TMEM134: variants seen among roughly 807,000 people sequenced by gnomAD.
The protein encoded by TMEM134 is transmembrane protein 134.
Under a neutral mutation model 26.2 loss-of-function variants are expected in TMEM134, and 36 were observed. That is an observed-to-expected ratio of 1.37 (90% CI 1.05 to 1.81). The LOEUF (loss-of-function observed/expected upper bound fraction) is 1.81. Ranked by LOEUF, TMEM134 falls within the 40% of genes most tolerant of loss-of-function variation. TMEM134 has a pLI of 0.00. For synonymous variants in TMEM134, 133 were observed against 113.6 expected, an observed-to-expected ratio of 1.17 and a Z score of -1.08; for missense variants, 339 against 263.5, an observed-to-expected ratio of 1.29 and a Z score of -1.98.
Position 67,469,053 on chromosome 11 carries a change from G to A in TMEM134, c.140C>T (p.Ala47Val). 6.6e-7 allele frequency: 1 copy of A among 1,517,848 alleles called. No homozygotes were observed. Among genetic ancestry groups the A allele is most frequent in the African/African-American group, 1.4e-5 (1 of 69,804 alleles). 94.0% of individuals were successfully genotyped at this position (1,517,848 alleles called of 1,614,324 possible). The change falls in exon 1 of 7, where the codon GCT (alanine) becomes GTT (valine). Residue 47 changes from alanine (A) to valine (V), a missense_variant. Ala to Val is a moderately conservative substitution (Grantham distance 64, BLOSUM62 0). Coordinates refer to ENST00000308022, the MANE Select transcript of TMEM134 (RefSeq NM_025124.4). ...HFERRARFEV[A>V]DEDKQSRLRY... ...CAGCCGGGACTGCTTGTCCTCGTCA[G>A]CCACCTCGAACCGGGCCCGACGCTC...
Position 67,469,225 on chromosome 11 carries a change from G to A in TMEM134, c.-33C>T. Reference sequence around the variant, plus strand: ...GCCCGCTCAGGCGCCGTGCGCCGCCGCCATCTGCGCCCACACACCCAGCGT... The same window carrying A: ...GCCCGCTCAGGCGCCGTGCGCCGCCACCATCTGCGCCCACACACCCAGCGT... On this transcript the variant is annotated 5_prime_UTR_variant, in exon 1 of 7. Coordinates refer to ENST00000308022, the MANE Select transcript of TMEM134 (RefSeq NM_025124.4). 1 of 1,251,948 alleles carries A rather than the reference G, an allele frequency of 8.0e-7. No homozygotes were observed. 77.6% of individuals were successfully genotyped at this position (1,251,948 alleles called of 1,614,324 possible).
In TMEM134 at chr11:67,464,669, G is replaced by A. The variant is rs1188911689; in HGVS notation, c.533C>T (p.Ala178Val). 1.2e-5 allele frequency: 18 copies of A among 1,553,934 alleles called. No homozygotes were observed. Among genetic ancestry groups the A allele is most frequent in the African/African-American group, 2.7e-5 (2 of 73,322 alleles). Residue 178 changes from alanine to valine, a missense_variant, in exon 7 of 7, where the codon GCG becomes GTG. Ala to Val is a moderately conservative substitution (Grantham distance 64, BLOSUM62 0). Coordinates refer to ENST00000308022, the MANE Select transcript of TMEM134 (RefSeq NM_025124.4). ...CTGGAAGCCCCGGTGGCCCTTGACC[G>A]CGCAGTAGATGAAGATCACGTGATA... ...GVYHVIFIYC[A>V]VKGHRGFQFF... is the part of the protein sequence containing the mutation.
Position 67,467,568 on chromosome 11 carries a change from G to C in TMEM134, c.262C>G (p.Arg88Gly), listed in dbSNP as rs148089695. 54 of 1,613,952 alleles carry C rather than the reference G, an allele frequency of 3.3e-5. No homozygotes were observed. The highest frequency in any genetic ancestry group is 4.5e-5 in the Non-Finnish European group (53 of 1,180,038). ...GTGCTGAAGGACCACTGGGAGCTGC[G>C]GATGGAAGTTCGGCTGGAATCCCTG... Reference protein sequence around the residue: ...GTRDSSRTSIRSSQWSFSTIS... With the variant: ...GTRDSSRTSIGSSQWSFSTIS... Residue 88 changes from arginine (R) to glycine (G), a missense_variant, in exon 3 of 7, where the codon CGC (arginine) becomes GGC (glycine). Transcript: ENST00000308022.
chr11:67,465,043 G>T lies in TMEM134; in HGVS notation c.451+13C>A, dbSNP rs1361115445. The T allele has an allele frequency of 6.4e-7, 1 of 1,572,088 alleles. No homozygotes were observed. On this transcript the variant is annotated intron_variant, in intron 5 of 6. Transcript: ENST00000308022. ...GGGTGTCCTCTGCCTGTGGGGGCGG[G>T]AGGGTCGCTCACCTGGAGAGGGGGT...
intron 4 of TMEM134, 50 bp from the exon 5 acceptor site, chr11:67,465,150 C>T (rs749916410): frequency 1.4e-5 from 22 of 1,536,776 alleles, no homozygotes; most frequent in African/African-American, 8.2e-5. Context: ...GTGGTGAGGG[C>T]GGGGGCTCCC....
At chr11:67,465,572 T>C (rs1275463429) in intron 4 of TMEM134, among the ~76,000 whole-genome samples, 2 of 110,014 alleles carry the variant, frequency 1.8e-5, no homozygotes, top group Non-Finnish European at 3.6e-5. Context: ...ACAAGGGGGG[T>C]AGTAAGCCTG....
chr11:67,462,355 T>C lies in TMEM134; in HGVS notation c.*2259A>G, dbSNP rs1340296808. 6.6e-6 allele frequency: 1 copy of C among 151,126 alleles called. No homozygotes were observed. The highest frequency in any genetic ancestry group is 1.5e-5 in the Non-Finnish European group (1 of 67,672). The allele number at this position is 151,126 out of a possible 1,614,324, so 9.4% of individuals were successfully genotyped here. A position where few individuals can be genotyped will look rare whatever the true frequency, so the allele number is the denominator to read the frequency against. ...TGATAAACTGTGGACTTGTATTCTG[T>C]ATTTTTTTTTTTTTTGGAGACAGAG... On this transcript the variant is annotated 3_prime_UTR_variant, in exon 7 of 7. Coordinates refer to ENST00000308022, the MANE Select transcript of TMEM134 (RefSeq NM_025124.4).
chr11:67,469,220 C>G lies in TMEM134; in HGVS notation c.-28G>C, dbSNP rs971128363. The G allele has an allele frequency of 3.2e-6, 4 of 1,255,934 alleles. No homozygotes were observed. The highest frequency in any genetic ancestry group is 1.6e-5 in the African/African-American group (1 of 64,304). 77.8% of individuals were successfully genotyped at this position (1,255,934 alleles called of 1,614,324 possible). On this transcript the variant is annotated 5_prime_UTR_variant, in exon 1 of 7. Coordinates refer to ENST00000308022, the MANE Select transcript of TMEM134 (RefSeq NM_025124.4). The stretch of plus-strand genomic sequence containing the variant: ...CCCCGGCCCGCTCAGGCGCCGTGCG[C>G]CGCCGCCATCTGCGCCCACACACCC...
rs200335850 is a variant in TMEM134, at chr11:67,464,677, G to A, written c.525C>T (p.Ile175=). ...CCCGGTGGCCCTTGACCGCGCAGTAGATGAAGATCACGTGATAGACTGCGG... is the reference window on the plus strand; with the variant it reads ...CCCGGTGGCCCTTGACCGCGCAGTAAATGAAGATCACGTGATAGACTGCGG... ...LVPGVYHVIF[I]YCAVKGHRGF... Residue 175 remains isoleucine (I), a synonymous_variant, in exon 7 of 7, where the codon ATC becomes ATT. Coordinates refer to ENST00000308022, the MANE Select transcript of TMEM134 (RefSeq NM_025124.4). The A allele has an allele frequency of 2.4e-5, 38 of 1,553,866 alleles. No individual in the cohort carries two copies. In the East Asian group the frequency reaches 8.2e-4, roughly 34 times the overall value.
Position 67,464,845 on chromosome 11 carries a change from C to G in TMEM134, c.463G>C (p.Ala155Pro). ...EATPSPGVSS[A>P]IFFVPGFLLL... Reference sequence around the variant, plus strand: ...AGGAAGCCCGGCACGAAGAAGATGGCGCTGGAGACACCTGCGGGAGGGACC... The same window carrying G: ...AGGAAGCCCGGCACGAAGAAGATGGGGCTGGAGACACCTGCGGGAGGGACC... Residue 155 changes from alanine (A) to proline (P), a missense_variant, in exon 6 of 7, where the codon GCC becomes CCC. By Grantham distance (27) the Ala-to-Pro change is conservative. Transcript: ENST00000308022. 6.2e-7 allele frequency: 1 copy of G among 1,610,426 alleles called. No individual in the cohort carries two copies. The highest frequency in any genetic ancestry group is 8.5e-7 in the Non-Finnish European group (1 of 1,179,710).
chr11:67,467,089 A>G, intron 4 of TMEM134: 1 of 596,684 alleles, frequency 1.7e-6, no homozygotes, highest in East Asian at 2.8e-5. Flanking sequence ...CTTTGCAGTG[A>G]TAAGCCAGGT....
chr11:67,467,690 G>T (rs1865361208), intron 2 of TMEM134, 100 bp from the exon 3 acceptor site: 4 of 1,237,756 alleles, frequency 3.2e-6, no homozygotes, highest in Non-Finnish European at 4.7e-6. Context: ...AGGGACTGGG[G>T]CTGGCCCCTT....
At position 67,465,112 on chromosome 11, in the gene TMEM134, C is replaced by G. The variant is rs1304353312; in HGVS notation, c.407-12G>C. On this transcript the variant is annotated splice_polypyrimidine_tract_variant and intron_variant, in intron 4 of 6. Coordinates refer to ENST00000308022, the MANE Select transcript of TMEM134 (RefSeq NM_025124.4). ...GACCAGGATCAGCACTGCACACAGACGGAGCCGCGGGGGTGGGGGCAGGAG... is the reference window on the plus strand; with the variant it reads ...GACCAGGATCAGCACTGCACACAGAGGGAGCCGCGGGGGTGGGGGCAGGAG... 1 of 1,572,826 alleles carries G rather than the reference C, an allele frequency of 6.4e-7. No homozygotes were observed. The highest frequency in any genetic ancestry group is 8.6e-7 in the Non-Finnish European group (1 of 1,164,668).
At position 67,467,353 on chromosome 11, in the gene TMEM134, C is replaced by A. The variant is rs555090402; in HGVS notation, c.365G>T (p.Arg122Leu). 1 of 1,613,552 alleles carries A rather than the reference C, an allele frequency of 6.2e-7. No individual in the cohort carries two copies. Among genetic ancestry groups the A allele is most frequent in the Non-Finnish European group, 8.5e-7 (1 of 1,179,846 alleles). The change falls in exon 4 of 7, where the codon CGA (arginine) becomes CTA (leucine). Residue 122 changes from arginine (R) to leucine (L), a missense_variant. Physicochemically the swap from Arg to Leu is moderately radical, Grantham distance 102 (BLOSUM62 -2). Transcript: ENST00000308022. Reference protein sequence around the residue: ...TQHPLIQKNRRVVLASFLLLL... With the variant: ...TQHPLIQKNRLVVLASFLLLL... ...GAGCAGGAAGGAGGCCAGCACCACT[C>A]GGCGGTTCTTCTGGATCAAAGGGTG...
At position 67,465,086 on chromosome 11, in the gene TMEM134, C is replaced by T; in HGVS notation, c.421G>A (p.Gly141Ser). Residue 141 changes from glycine to serine, a missense_variant, in exon 5 of 7, where the codon GGC (glycine) becomes AGC (serine). By Grantham distance (56) the Gly-to-Ser change is moderately conservative. Coordinates refer to ENST00000308022, the MANE Select transcript of TMEM134 (RefSeq NM_025124.4). ...GAGGGGGTCGCCTCCAGTCCCACGC[C>T]GACCAGGATCAGCACTGCACACAGA... ...LLLGLVLILV[G>S]VGLEATPSPG... 1 of 1,586,394 alleles carries T rather than the reference C, an allele frequency of 6.3e-7. No homozygotes were observed.
Position 67,467,520 on chromosome 11 carries a change from A to AGC in TMEM134, c.308_309dup (p.Ser104AlafsTer14). On this transcript the variant is annotated frameshift_variant, in exon 3 of 7. Coordinates refer to ENST00000308022, the MANE Select transcript of TMEM134 (RefSeq NM_025124.4). LOFTEE classifies it high-confidence loss of function. ...GCTCACCTGCAGCAGGTGTTGTAGG[A>AGC]GCGCTGGGTGCTGCTGCTGATGGTG... 1.2e-6 allele frequency: 2 copies of AGC among 1,613,984 alleles called. No individual in the cohort carries two copies. Among genetic ancestry groups the AGC allele is most frequent in the South Asian group, 2.2e-5 (2 of 91,078 alleles).
At position 67,464,602 on chromosome 11, in the gene TMEM134, G is replaced by A; in HGVS notation, c.*12C>T. The A allele has an allele frequency of 6.4e-7, 1 of 1,551,722 alleles. No individual in the cohort carries two copies. The highest frequency in any genetic ancestry group is 8.7e-7 in the Non-Finnish European group (1 of 1,146,946). ...GCCCCCATGGGCGCAAGGGGTCCAC[G>A]CTGCGCCGCGATCACTTCTCGAAGT... On this transcript the variant is annotated 3_prime_UTR_variant, in exon 7 of 7. Coordinates refer to ENST00000308022, the MANE Select transcript of TMEM134 (RefSeq NM_025124.4).
chr11:67,464,360 GAATT>G lies in TMEM134; in HGVS notation c.*250_*253del. On this transcript the variant is annotated 3_prime_UTR_variant, in exon 7 of 7. Coordinates refer to ENST00000308022, the MANE Select transcript of TMEM134 (RefSeq NM_025124.4). ...AGGAGGAGAGCAATTGCCTCTGGTGGAATTAATTACTCTTTTATTAGCACAAAAT... is the reference window on the plus strand; with the variant it reads ...AGGAGGAGAGCAATTGCCTCTGGTGGAATTACTCTTTTATTAGCACAAAAT... 8.7e-6 allele frequency: 5 copies of G among 573,470 alleles called. 1 individual carries two copies. The highest frequency in any genetic ancestry group is 6.0e-5 in the South Asian group (3 of 49,590). The allele number at this position is 573,470 out of a possible 1,614,324, so 35.5% of individuals were successfully genotyped here.
chr11:67,465,362 G>A, intron 4 of TMEM134: 1 of 947,660 alleles, frequency 1.1e-6, no homozygotes, highest in Non-Finnish European at 1.4e-6. Flanking sequence ...CTGCGTGCCT[G>A]GTACTGGGAA....
Sources: gnomAD v4.1 joint callset for allele counts (sites outside exome capture counted in the v4.1 genomes callset) on GRCh38, gnomAD v4.1.1 for gene constraint, MANE v1.5 for transcripts, NCBI Gene and HGNC (gene_info 2026-07-23, HGNC 2026-07-21) for gene names.